The following PDE10A variants were observed in gnomAD, a reference collection of about 807,000 sequenced individuals.
PDE10A encodes the protein phosphodiesterase 10A, also known as cAMP and cAMP-inhibited cGMP 3',5'-cyclic phosphodiesterase 10A.
A neutral mutation model predicts 97.7 loss-of-function variants in PDE10A; 39 were observed. The observed-to-expected ratio is 0.40, with a 90% CI of 0.31 to 0.52. PDE10A has a LOEUF of 0.52. Among genes scored for constraint, PDE10A ranks in the 20% least tolerant of loss-of-function variants. PDE10A has a pLI of 0.56. For missense variants in PDE10A, 731 were observed against 1,047.8 expected (o/e 0.70, Z 4.17); for synonymous variants, 371 against 376.8 (o/e 0.98, Z 0.18).
At position 165,953,768 on chromosome 6, in the gene PDE10A, C is replaced by T. The variant is rs77053476; in HGVS notation, c.-615+33761G>A. 4.0e-3 allele frequency among the ~76,000 whole-genome samples: 612 copies of T among 152,268 alleles called. 6 individuals carry two copies. The highest frequency in any genetic ancestry group is 0.038 in the East Asian group (197 of 5,170). ...TGACACATTGTTATTTACTAAAGTGCGTAGCTTACATCAGAGTTGGTTCCT... is the reference window on the plus strand; with the variant it reads ...TGACACATTGTTATTTACTAAAGTGTGTAGCTTACATCAGAGTTGGTTCCT... On this transcript the variant is annotated intron_variant, in intron 1 of 19. Coordinates refer to the PDE10A transcript ENST00000366882.
In PDE10A at chr6:165,943,278, A is replaced by AAG. The variant is rs1562809978; in HGVS notation, c.-615+44250_-615+44251insCT. Among the ~76,000 whole-genome samples the AAG allele has an allele frequency of 7.7e-5, 10 of 129,512 alleles. No homozygotes were observed. In the East Asian group the frequency reaches 1.1e-3, roughly 14 times the overall value. The allele number at this position is 129,512 out of a possible 152,430, so 85.0% of individuals were successfully genotyped here. A position where few individuals can be genotyped will look rare whatever the true frequency, so the allele number is the denominator to read the frequency against. On this transcript the variant is annotated intron_variant, in intron 1 of 19. Transcript: ENST00000366882. Reference sequence around the variant, plus strand: ...AGGAAGGAAGGAAGGAAGGAAGGAAAGAAAGAAAGAAAGAAGGAAAGAAAG... The same window carrying AAG: ...AGGAAGGAAGGAAGGAAGGAAGGAAAAGGAAAGAAAGAAAGAAGGAAAGAAAG...
intron 1 of PDE10A, among the ~76,000 whole-genome samples, chr6:165,749,223 T>TCACTACC (rs370708253): frequency 3.7e-3 from 21 of 5,604 alleles, no homozygotes; most frequent in East Asian, 0.02. Context: ...ATCACCATCA[T>TCACTACC]ATCACCATCA....
At chr6:165,979,911 A>G (rs1373541281) in intron 1 of PDE10A, among the ~76,000 whole-genome samples, 1 of 152,242 alleles carries the variant, frequency 6.6e-6, no homozygotes, top group Non-Finnish European at 1.5e-5. Flanking sequence ...AATAATACAC[A>G]TTTTAAAATA....
intron 1 of PDE10A, among the ~76,000 whole-genome samples, chr6:165,791,920 C>T (rs552616844): frequency 8.1e-4 from 123 of 152,294 alleles, no homozygotes; most frequent in African/African-American, 2.6e-3. Context: ...CCTTGGGGTC[C>T]GAAGTCAGCT....
chr6:165,542,610 T>A (rs13204530), intron 2 of PDE10A, among the ~76,000 whole-genome samples: 1 of 140,322 alleles, frequency 7.1e-6, no homozygotes, highest in Non-Finnish European at 1.5e-5. Flanking sequence ...GATGTCCTTG[T>A]TCTTTTTTTT....
intron 1 of PDE10A, among the ~76,000 whole-genome samples, chr6:165,922,888 G>T (rs1426510132): frequency 6.6e-6 from 1 of 152,160 alleles, no homozygotes; most frequent in East Asian, 1.9e-4. Flanking sequence ...CCTTCCGGGG[G>T]TTCACTCCCC....
intron 1 of PDE10A, among the ~76,000 whole-genome samples, chr6:165,953,252 A>G (rs1056777265): frequency 2.0e-5 from 3 of 152,322 alleles, no homozygotes; most frequent in Non-Finnish European, 2.9e-5. Flanking sequence ...AGTAATATTT[A>G]TTACCAAAAG....
chr6:165,937,788 G>C (rs1048632517), intron 1 of PDE10A, among the ~76,000 whole-genome samples: 6 of 152,058 alleles, frequency 3.9e-5, no homozygotes, highest in Admixed American at 3.3e-4. Context: ...TACACACACA[G>C]ATATTATCCA....
At chr6:165,779,119 C>G (rs112595885) in intron 1 of PDE10A, among the ~76,000 whole-genome samples, 2 of 152,120 alleles carry the variant, frequency 1.3e-5, no homozygotes, top group Non-Finnish European at 2.9e-5. Flanking sequence ...ATTCACTTAT[C>G]GTTTTGGAGT....
intron 16 of PDE10A, among the ~76,000 whole-genome samples, chr6:165,389,886 A>G (rs1282655314): frequency 6.6e-6 from 1 of 152,228 alleles, no homozygotes; most frequent in Admixed American, 6.5e-5. Context: ...CTTGATAAAA[A>G]TTGAAGGGAA....
At chr6:165,399,404 T>A (rs1242561828) in intron 13 of PDE10A, among the ~76,000 whole-genome samples, 1 of 152,168 alleles carries the variant, frequency 6.6e-6, no homozygotes, top group Non-Finnish European at 1.5e-5. Context: ...GGTAAAGAAA[T>A]TATACTGCCC....
chr6:165,455,879 C>T (rs111246686), intron 3 of PDE10A, among the ~76,000 whole-genome samples: 20 of 152,288 alleles, frequency 1.3e-4, no homozygotes, highest in African/African-American at 4.8e-4. Flanking sequence ...TTTCTAGCTC[C>T]AGATTTTTGT....
At chr6:165,410,705 G>A (rs1488152773) in intron 13 of PDE10A, among the ~76,000 whole-genome samples, 1 of 151,988 alleles carries the variant, frequency 6.6e-6, no homozygotes, top group East Asian at 1.9e-4. Flanking sequence ...CTGCTAACAG[G>A]ATGCACTGAG....
At chr6:165,987,900 T>A in exon 1 of PDE10A, 1 of 375,482 alleles carries the variant, frequency 2.7e-6, no homozygotes, top group South Asian at 2.0e-5. Context: ...CCAGTCCATC[T>A]CAGCTCAAGC....
chr6:165,435,145 C>G, intron 6 of PDE10A, 92 bp downstream of exon 6: 1 of 1,138,290 alleles, frequency 8.8e-7, no homozygotes, highest in South Asian at 1.5e-5. Flanking sequence ...TAAAATGAAA[C>G]TATTTAAATT....
At chr6:165,858,302 G>A (rs1439892744) in intron 1 of PDE10A, among the ~76,000 whole-genome samples, 2 of 152,338 alleles carry the variant, frequency 1.3e-5, no homozygotes, top group South Asian at 2.1e-4. Context: ...GCCCAGGTCT[G>A]TCCCTTGTGC....
At chr6:165,589,281 G>T (rs1786106165) in intron 1 of PDE10A, among the ~76,000 whole-genome samples, 1 of 152,150 alleles carries the variant, frequency 6.6e-6, no homozygotes, top group African/African-American at 2.4e-5. Flanking sequence ...AAGGTCCCAC[G>T]CAGCCTGCTG....
chr6:165,528,498 C>A (rs1233209065), intron 2 of PDE10A, among the ~76,000 whole-genome samples: 1 of 152,222 alleles, frequency 6.6e-6, no homozygotes, highest in Non-Finnish European at 1.5e-5. Flanking sequence ...GATCAGCTAG[C>A]TACCTGGTGG....
At chr6:165,573,547 A>C (rs1583567532) in intron 1 of PDE10A, among the ~76,000 whole-genome samples, 2 of 152,332 alleles carry the variant, frequency 1.3e-5, no homozygotes, top group South Asian at 4.1e-4. Flanking sequence ...TATATGAGAC[A>C]TATTGAACTA....
Sources: allele counts gnomAD v4.1 joint callset (sites outside exome capture counted in the v4.1 genomes callset), GRCh38; gene constraint gnomAD v4.1.1; transcripts MANE v1.5; gene names NCBI Gene and HGNC (gene_info 2026-07-23, HGNC 2026-07-21).